The following MAP4K5 variants were observed in gnomAD, a reference collection of about 807,000 sequenced individuals.
MAP4K5 encodes the protein MAPK/ERK kinase kinase kinase 5.
A neutral mutation model predicts 135.6 loss-of-function variants in MAP4K5; 82 were observed. The ratio of observed to expected loss-of-function variants is 0.60; its 90% CI spans 0.51 to 0.73. MAP4K5 has a LOEUF of 0.73. Ranked by LOEUF, MAP4K5 falls within the 30% of genes least tolerant of loss-of-function variation. MAP4K5 has a pLI of 0.00. For synonymous variants in MAP4K5, 347 were observed against 335.0 expected (o/e 1.04, Z -0.39); for missense variants, 907 against 1,010.9 (o/e 0.90, Z 1.39).
intron 30 of MAP4K5, 142 bp downstream of exon 30, chr14:50,428,520 T>G: frequency 2.1e-6 from 1 of 476,860 alleles, no homozygotes; most frequent in South Asian, 3.5e-5. Flanking sequence ...CCTCCCAAAG[T>G]GCTGGGATTA....
At chr14:50,451,259 A>G (rs1046401328) in intron 14 of MAP4K5, among the ~76,000 whole-genome samples, 5 of 140,266 alleles carry the variant, frequency 3.6e-5, no homozygotes, top group Admixed American at 6.9e-5. Context: ...TACAGTGAAG[A>G]AAAAAAAAAA....
chr14:50,438,131 C>CAAAATAGAA, intron 23 of MAP4K5, 37 bp from the exon 24 acceptor site: 1 of 727,384 alleles, frequency 1.4e-6, no homozygotes, highest in Middle Eastern at 3.8e-4. Flanking sequence ...AAAAGCCAAG[C>CAAAATAGAA]AAAATAGAAA....
At chr14:50,486,638 A>C (rs1017547702) in intron 3 of MAP4K5, among the ~76,000 whole-genome samples, 19 of 152,142 alleles carry the variant, frequency 1.2e-4, no homozygotes, top group African/African-American at 4.6e-4. Flanking sequence ...TAATTAGAAA[A>C]AGCTACATTA....
chr14:50,437,937 C>T lies in MAP4K5; in HGVS notation c.1780G>A (p.Ala594Thr). The T allele has an allele frequency of 6.2e-7, 1 of 1,612,390 alleles. No homozygotes were observed. The highest frequency in any genetic ancestry group is 8.5e-7 in the Non-Finnish European group (1 of 1,178,784). ...GGAAACCTGTGAGTTTGAATATGGG[C>T]AGCTAATCCTGGTTTTTTGGCATGT... ...FEHAKKPGLA[A>T]HIQTHRFPDR... Residue 594 changes from alanine (A) to threonine (T), a missense_variant, in exon 25 of 33, where the codon GCC becomes ACC. Coordinates refer to ENST00000682126, the MANE Select transcript of MAP4K5 (RefSeq NM_006575.6).
In MAP4K5 at chr14:50,447,500, A is replaced by C; in HGVS notation, c.1075-19T>G. ...ACAATCCCTGTAAAGATAAAAATAT[A>C]GTTTAAAATGTTACTTTGTAACAGG... On this transcript the variant is annotated intron_variant, in intron 15 of 32. Coordinates refer to ENST00000682126, the MANE Select transcript of MAP4K5 (RefSeq NM_006575.6). 1 of 1,419,374 alleles carries C rather than the reference A, an allele frequency of 7.0e-7. No individual in the cohort carries two copies. The allele number at this position is 1,419,374 out of a possible 1,614,324, so 87.9% of individuals were successfully genotyped here. A position where few individuals can be genotyped will look rare whatever the true frequency, so the allele number is the denominator to read the frequency against.
intron 28 of MAP4K5, among the ~76,000 whole-genome samples, chr14:50,432,820 A>G (rs535284654): frequency 6.6e-6 from 1 of 151,922 alleles, no homozygotes; most frequent in East Asian, 1.9e-4. Context: ...TTGAGCAATA[A>G]GAACAGGGAA....
In MAP4K5 at chr14:50,443,741, G is replaced by A; in HGVS notation, c.1467C>T (p.Thr489=). The A allele has an allele frequency of 6.3e-7, 1 of 1,598,026 alleles. No homozygotes were observed. The highest frequency in any genetic ancestry group is 8.5e-7 in the Non-Finnish European group (1 of 1,175,678). The change falls in exon 20 of 33, where the codon ACC becomes ACT. Residue 489 remains threonine, a synonymous_variant. Transcript: ENST00000682126. Reference sequence around the variant, plus strand: ...AAATATTCCTTACCAGAACTTTTGGGGTGGGTGGAAGGCCATTGATGGCTG... The same window carrying A: ...AAATATTCCTTACCAGAACTTTTGGAGTGGGTGGAAGGCCATTGATGGCTG... ...PKPAINGLPP[T]PKVLMGACFS... is the part of the protein sequence containing the mutation.
intron 2 of MAP4K5, among the ~76,000 whole-genome samples, chr14:50,522,776 T>A (rs2038178568): frequency 6.6e-6 from 1 of 152,112 alleles, no homozygotes; most frequent in Non-Finnish European, 1.5e-5. Context: ...TGTGTTACTA[T>A]CAAAAAATAA....
At chr14:50,528,785 A>G (rs1217864649) in intron 2 of MAP4K5, among the ~76,000 whole-genome samples, 2 of 152,188 alleles carry the variant, frequency 1.3e-5, no homozygotes, top group Non-Finnish European at 2.9e-5. Context: ...TACTGCAGGT[A>G]TTTCACTAGT....
At chr14:50,518,160 T>C (rs1566690889) in intron 2 of MAP4K5, among the ~76,000 whole-genome samples, 4 of 152,218 alleles carry the variant, frequency 2.6e-5, no homozygotes, top group Admixed American at 1.3e-4. Context: ...TATATCCTTA[T>C]TATTTAAATA....
intron 9 of MAP4K5, among the ~76,000 whole-genome samples, chr14:50,469,552 G>T (rs1338668247): frequency 6.6e-6 from 1 of 152,130 alleles, no homozygotes; most frequent in Non-Finnish European, 1.5e-5. Context: ...GCAAGATGAA[G>T]GATAGTGTGA....
intron 9 of MAP4K5, 64 bp downstream of exon 9, chr14:50,475,013 G>C: frequency 7.7e-7 from 1 of 1,295,528 alleles, no homozygotes; most frequent in Non-Finnish European, 1.1e-6. Context: ...ACCAAGTATC[G>C]AGGTTGATCA....
chr14:50,468,797 T>C lies in MAP4K5; in HGVS notation c.543-15A>G, dbSNP rs1319380229. Reference sequence around the variant, plus strand: ...CTGGGGCCATCCTAGAAGGAATCAATGAATACAACATTTTTGTTGTTAAAT... The same window carrying C: ...CTGGGGCCATCCTAGAAGGAATCAACGAATACAACATTTTTGTTGTTAAAT... On this transcript the variant is annotated splice_polypyrimidine_tract_variant and intron_variant, in intron 9 of 32. Transcript: ENST00000682126. 1.9e-6 allele frequency: 3 copies of C among 1,597,412 alleles called. No homozygotes were observed. The highest frequency in any genetic ancestry group is 2.2e-5 in the East Asian group (1 of 44,588).
intron 2 of MAP4K5, 162 bp from the exon 3 acceptor site, chr14:50,505,019 G>A: frequency 2.0e-6 from 1 of 498,292 alleles, no homozygotes; most frequent in Non-Finnish European, 3.4e-6. Context: ...TCCCATTAAA[G>A]AAAAATATAG....
chr14:50,540,441 C>T (rs927837405), intron 2 of MAP4K5, among the ~76,000 whole-genome samples: 4 of 152,050 alleles, frequency 2.6e-5, no homozygotes, highest in African/African-American at 7.2e-5. Context: ...AGGGTGAGGG[C>T]GGATGTCTTT....
chr14:50,531,799 C>T, intron 2 of MAP4K5, 143 bp downstream of exon 2: 1 of 696,652 alleles, frequency 1.4e-6, no homozygotes, highest in Non-Finnish European at 2.6e-6. Context: ...TGCTCAGAAC[C>T]GAGTAAAAGG....
intron 9 of MAP4K5, among the ~76,000 whole-genome samples, chr14:50,469,835 T>C (rs188213797): frequency 2.8e-4 from 43 of 152,332 alleles, no homozygotes; most frequent in Admixed American, 1.4e-3. Flanking sequence ...TTCAAATGTT[T>C]ACTAACTTAA....
At chr14:50,500,942 T>C (rs4640081) in intron 3 of MAP4K5, among the ~76,000 whole-genome samples, 31,042 of 152,064 alleles carry the variant, frequency 0.2, 3,805 homozygotes, top group East Asian at 0.53. Context: ...AAAATCTTTT[T>C]GATAATATGA....
At chr14:50,488,282 G>A (rs1234345340) in intron 3 of MAP4K5, among the ~76,000 whole-genome samples, 1 of 152,068 alleles carries the variant, frequency 6.6e-6, no homozygotes, top group Non-Finnish European at 1.5e-5. Context: ...ACAGCATGGG[G>A]GAAACCACCT....
Sources: allele counts gnomAD v4.1 joint callset (sites outside exome capture counted in the v4.1 genomes callset), GRCh38; gene constraint gnomAD v4.1.1; transcripts MANE v1.5; gene names NCBI Gene and HGNC (gene_info 2026-07-23, HGNC 2026-07-21).